COL8A1: variants seen among roughly 807,000 people sequenced by gnomAD.
COL8A1 encodes collagen type VIII alpha 1 chain, also known as collagen alpha-1(VIII) chain.
In COL8A1, 21 loss-of-function variants were observed where a neutral mutation model predicts 42.7. The ratio of observed to expected loss-of-function variants is 0.49; its 90% CI spans 0.35 to 0.71. The LOEUF (loss-of-function observed/expected upper bound fraction) is 0.71, where lower values mean the gene tolerates loss of function less well. COL8A1 is among the 30% of genes least tolerant of loss of function. COL8A1 has a pLI of 0.01. For synonymous variants in COL8A1, 367 were observed against 369.1 expected (o/e 0.99, Z 0.06); for missense variants, 788 against 962.4 (o/e 0.82, Z 2.40).
intron 1 of COL8A1, among the ~76,000 whole-genome samples, chr3:99,671,597 C>T (rs1028561168): frequency 6.6e-6 from 1 of 151,946 alleles, no homozygotes; most frequent in African/African-American, 2.4e-5. Flanking sequence ...TCCCAGTCCC[C>T]CACCACCTAC....
At chr3:99,658,563 C>T (rs138456484) in intron 1 of COL8A1, among the ~76,000 whole-genome samples, 1 of 152,312 alleles carries the variant, frequency 6.6e-6, no homozygotes, top group African/African-American at 2.4e-5. Flanking sequence ...TTGAGTCTGC[C>T]TTACCAACCA....
At chr3:99,692,545 A>C (rs955795076) in intron 1 of COL8A1, among the ~76,000 whole-genome samples, 2 of 152,240 alleles carry the variant, frequency 1.3e-5, no homozygotes, top group African/African-American at 4.8e-5. Flanking sequence ...AATCAGGAAG[A>C]GTAACAAAAC....
At chr3:99,744,243 C>T (rs891692932) in intron 1 of COL8A1, among the ~76,000 whole-genome samples, 1 of 152,170 alleles carries the variant, frequency 6.6e-6, no homozygotes, top group African/African-American at 2.4e-5. Flanking sequence ...ATTTCTTAAA[C>T]AAGTTCCTGT....
intron 1 of COL8A1, among the ~76,000 whole-genome samples, chr3:99,708,010 A>T (rs1315187580): frequency 6.6e-6 from 1 of 151,966 alleles, no homozygotes; most frequent in Non-Finnish European, 1.5e-5. Flanking sequence ...TAAAAGTCTT[A>T]CTCCAGAGCT....
chr3:99,793,217 A>G (rs1942035035), intron 3 of COL8A1, among the ~76,000 whole-genome samples: 1 of 152,170 alleles, frequency 6.6e-6, no homozygotes, highest in African/African-American at 2.4e-5. Context: ...TATTGCATAG[A>G]ATAGCGAGTA....
chr3:99,678,153 C>A (rs947601960), intron 1 of COL8A1: 7 of 152,094 alleles, frequency 4.6e-5, no homozygotes, highest in Admixed American at 3.9e-4. Flanking sequence ...CACATTTAAA[C>A]AGGGGAACAA....
chr3:99,683,999 G>C (rs1183588189), intron 1 of COL8A1, among the ~76,000 whole-genome samples: 1 of 152,118 alleles, frequency 6.6e-6, no homozygotes, highest in East Asian at 1.9e-4. Context: ...TTCAGTTTTA[G>C]TGAATTGACT....
intron 1 of COL8A1, among the ~76,000 whole-genome samples, chr3:99,674,450 A>G (rs1021556319): frequency 2.6e-5 from 4 of 151,934 alleles, no homozygotes; most frequent in Admixed American, 6.6e-5. Flanking sequence ...TTTTTAAAAA[A>G]AAAAAAGCCT....
At chr3:99,680,440 G>A (rs1196622440) in intron 1 of COL8A1, 2 of 152,154 alleles carry the variant, frequency 1.3e-5, no homozygotes, top group Non-Finnish European at 2.9e-5. Flanking sequence ...ATTGTGAATA[G>A]TGCCGCAATA....
chr3:99,696,973 CA>C (rs1380954681), intron 1 of COL8A1, among the ~76,000 whole-genome samples: 4 of 137,308 alleles, frequency 2.9e-5, no homozygotes, highest in African/African-American at 8.0e-5. Context: ...GAAATATACA[CA>C]AATTTTTTTT....
In COL8A1 at chr3:99,740,117, T is replaced by C. The variant is rs139880984; in HGVS notation, c.-128-4780T>C. ...GTTTCCAACAAGTTCCTGATCTCCA[T>C]CTGAGACCACCTCAGCCTGGACTTC... On this transcript the variant is annotated intron_variant, in intron 1 of 3. Coordinates refer to ENST00000652472, the MANE Select transcript of COL8A1 (RefSeq NM_020351.4). 9.4e-4 allele frequency among the ~76,000 whole-genome samples: 143 copies of C among 152,310 alleles called. 2 individuals carry two copies. The East Asian group carries it at 0.024, about 25-fold the overall frequency.
intron 2 of COL8A1, among the ~76,000 whole-genome samples, chr3:99,754,454 C>G (rs188702116): frequency 7.5e-4 from 114 of 151,612 alleles, no homozygotes; most frequent in Middle Eastern, 3.4e-3. Context: ...CAAATTGTCT[C>G]TCATGTGTGA....
At chr3:99,766,180 C>T (rs1042120538) in intron 2 of COL8A1, among the ~76,000 whole-genome samples, 4 of 152,182 alleles carry the variant, frequency 2.6e-5, no homozygotes, top group Admixed American at 2.0e-4. Flanking sequence ...CAGGCATCAC[C>T]ATTTGTTACC....
chr3:99,733,221 A>C (rs1021380491), intron 1 of COL8A1, among the ~76,000 whole-genome samples: 1 of 149,546 alleles, frequency 6.7e-6, no homozygotes, highest in Non-Finnish European at 1.5e-5. Context: ...ATATGTATAC[A>C]TGTGCCATGC....
intron 1 of COL8A1, among the ~76,000 whole-genome samples, chr3:99,673,503 C>A (rs1306723941): frequency 6.6e-6 from 1 of 152,012 alleles, no homozygotes; most frequent in Non-Finnish European, 1.5e-5. Flanking sequence ...CAGTTTCTTG[C>A]CTTTGGTATG....
intron 1 of COL8A1, among the ~76,000 whole-genome samples, chr3:99,682,037 G>C (rs540328760): frequency 3.9e-5 from 6 of 152,140 alleles, no homozygotes; most frequent in African/African-American, 1.2e-4. Context: ...GAATAAGAAA[G>C]GGAAACTATT....
At chr3:99,640,515 T>C (rs1440135327) in intron 1 of COL8A1, among the ~76,000 whole-genome samples, 1 of 152,208 alleles carries the variant, frequency 6.6e-6, no homozygotes, top group Admixed American at 6.5e-5. Context: ...TAAATGAGCT[T>C]CCAGTTATTC....
At chr3:99,774,038 G>C (rs1941644555) in intron 2 of COL8A1, among the ~76,000 whole-genome samples, 1 of 149,336 alleles carries the variant, frequency 6.7e-6, no homozygotes, top group Non-Finnish European at 1.5e-5. Context: ...AGAGATGGGG[G>C]TTTGCCATGT....
intron 1 of COL8A1, among the ~76,000 whole-genome samples, chr3:99,688,225 C>T (rs573212221): frequency 6.6e-6 from 1 of 152,178 alleles, no homozygotes; most frequent in Non-Finnish European, 1.5e-5. Context: ...TTAGTGTCAT[C>T]GAACAACACA....
Sources: gnomAD v4.1 joint callset for allele counts (sites outside exome capture counted in the v4.1 genomes callset) on GRCh38, gnomAD v4.1.1 for gene constraint, MANE v1.5 for transcripts, NCBI Gene and HGNC (gene_info 2026-07-23, HGNC 2026-07-21) for gene names.